LRRTM4: variants seen among roughly 807,000 people sequenced by gnomAD.
The protein encoded by LRRTM4 is leucine rich repeat transmembrane neuronal 4.
LRRTM4 carries 25 observed loss-of-function variants against 47.6 expected under a neutral mutation model. The observed-to-expected ratio is 0.53, with a 90% CI of 0.38 to 0.73. The LOEUF (loss-of-function observed/expected upper bound fraction) is 0.73, where lower values mean the gene tolerates loss of function less well. Among genes scored for constraint, LRRTM4 ranks in the 30% least tolerant of loss-of-function variants. The pLI is 0.00. For synonymous variants in LRRTM4, 311 were observed against 269.5 expected, an observed-to-expected ratio of 1.15 and a Z score of -1.51; for missense variants, 638 against 713.4, an observed-to-expected ratio of 0.89 and a Z score of 1.20.
chr2:77,246,330 T>C (rs906503857), intron 3 of LRRTM4, among the ~76,000 whole-genome samples: 2 of 152,284 alleles, frequency 1.3e-5, no homozygotes, highest in South Asian at 2.1e-4. Flanking sequence ...ATGAAATTAC[T>C]CAGAAGGCAT....
chr2:77,206,768 GC>G (rs1674138573), intron 3 of LRRTM4, among the ~76,000 whole-genome samples: 1 of 152,118 alleles, frequency 6.6e-6, no homozygotes, highest in Non-Finnish European at 1.5e-5. Context: ...ACAGGTGTGA[GC>G]CACTGTGCCC....
At chr2:77,074,444 T>C (rs988379844) in intron 3 of LRRTM4, among the ~76,000 whole-genome samples, 5 of 152,202 alleles carry the variant, frequency 3.3e-5, no homozygotes, top group Admixed American at 1.3e-4. Context: ...TAAGATCATA[T>C]CTTCTGTGTC....
intron 3 of LRRTM4, among the ~76,000 whole-genome samples, chr2:76,791,768 C>G (rs950396257): frequency 6.6e-6 from 1 of 152,198 alleles, no homozygotes; most frequent in African/African-American, 2.4e-5. Context: ...AGCAGATAGG[C>G]TGCAGGTTTC....
chr2:76,950,556 T>G (rs1675461884), intron 3 of LRRTM4, among the ~76,000 whole-genome samples: 2 of 151,978 alleles, frequency 1.3e-5, no homozygotes, highest in African/African-American at 4.8e-5. Flanking sequence ...CTCTGGTTAA[T>G]CAAAATGAAT....
At chr2:77,443,713 T>C (rs1675935562) in intron 3 of LRRTM4, among the ~76,000 whole-genome samples, 1 of 152,100 alleles carries the variant, frequency 6.6e-6, no homozygotes, top group South Asian at 2.1e-4. Flanking sequence ...GATATAAACA[T>C]TGTTCAGAAC....
chr2:76,806,152 G>A (rs1024970528), intron 3 of LRRTM4, among the ~76,000 whole-genome samples: 3 of 152,130 alleles, frequency 2.0e-5, no homozygotes, highest in African/African-American at 4.8e-5. Context: ...TTTCAATGAG[G>A]TTGATATTTC....
intron 3 of LRRTM4, among the ~76,000 whole-genome samples, chr2:76,921,407 A>G: frequency 6.6e-6 from 1 of 152,064 alleles, no homozygotes; most frequent in East Asian, 1.9e-4. Flanking sequence ...CACCTGGTAG[A>G]GGTAATGTTT....
intron 3 of LRRTM4, among the ~76,000 whole-genome samples, chr2:76,891,198 G>C (rs1340206754): frequency 6.6e-6 from 1 of 151,680 alleles, no homozygotes; most frequent in Non-Finnish European, 1.5e-5. Flanking sequence ...CTCCCAAGAT[G>C]TTTGCTCAAC....
rs369493644 is a variant in LRRTM4, at chr2:77,092,282, G to C, written c.1552-343366C>G. ...ACCTGACCCCCATGACTGTATCTCTGTGATCCACCTGACATTCACCCCATT... is the reference window on the plus strand; with the variant it reads ...ACCTGACCCCCATGACTGTATCTCTCTGATCCACCTGACATTCACCCCATT... On this transcript the variant is annotated intron_variant, in intron 3 of 3. Coordinates refer to ENST00000409884, the MANE Select transcript of LRRTM4 (RefSeq NM_001134745.3). Among the ~76,000 whole-genome samples the C allele has an allele frequency of 5.3e-4, 80 of 151,834 alleles. No individual in the cohort carries two copies. The East Asian group carries it at 8.8e-3, about 17-fold the overall frequency.
chr2:77,103,153 G>A (rs1572964754), intron 3 of LRRTM4, among the ~76,000 whole-genome samples: 3 of 152,150 alleles, frequency 2.0e-5, no homozygotes, highest in Admixed American at 2.0e-4. Context: ...GGTTTCATTT[G>A]GGGGCAGAGA....
intron 3 of LRRTM4, among the ~76,000 whole-genome samples, chr2:76,946,584 G>T (rs1392106277): frequency 6.6e-6 from 1 of 151,656 alleles, no homozygotes; most frequent in Non-Finnish European, 1.5e-5. Flanking sequence ...CATGCACAAT[G>T]GGCAACTCAA....
At chr2:77,183,860 C>T (rs1325601056) in intron 3 of LRRTM4, among the ~76,000 whole-genome samples, 1 of 152,086 alleles carries the variant, frequency 6.6e-6, no homozygotes, top group Non-Finnish European at 1.5e-5. Flanking sequence ...CATGTTCTGA[C>T]TCATAGGTGG....
At chr2:77,284,339 A>G (rs1676592154) in intron 3 of LRRTM4, among the ~76,000 whole-genome samples, 1 of 152,164 alleles carries the variant, frequency 6.6e-6, no homozygotes, top group African/African-American at 2.4e-5. Context: ...AGATAATAAC[A>G]CATTCTATTA....
intron 3 of LRRTM4, among the ~76,000 whole-genome samples, chr2:77,480,820 GTGGAGAGAGA>G (rs1164881948): frequency 2.0e-5 from 2 of 99,036 alleles, no homozygotes; most frequent in Non-Finnish European, 3.8e-5. Context: ...GTGTGTGTGT[GTGGAGAGAGA>G]GAGAGAGAGA....
At chr2:77,380,282 G>T in intron 3 of LRRTM4, among the ~76,000 whole-genome samples, 1 of 152,208 alleles carries the variant, frequency 6.6e-6, no homozygotes, top group South Asian at 2.1e-4. Context: ...TAAATGGAAA[G>T]CCTCATGCAC....
At chr2:77,061,952 T>C (rs1679801318) in intron 3 of LRRTM4, among the ~76,000 whole-genome samples, 1 of 152,216 alleles carries the variant, frequency 6.6e-6, no homozygotes, top group African/African-American at 2.4e-5. Context: ...AAATATTTAA[T>C]GTAGACTTCT....
intron 3 of LRRTM4, among the ~76,000 whole-genome samples, chr2:76,917,773 C>T (rs1674304141): frequency 6.6e-6 from 1 of 152,058 alleles, no homozygotes. Flanking sequence ...CTCTTTTGTC[C>T]CTGATACAAG....
chr2:76,949,834 C>A (rs1675440513), intron 3 of LRRTM4, among the ~76,000 whole-genome samples: 1 of 151,776 alleles, frequency 6.6e-6, no homozygotes, highest in African/African-American at 2.4e-5. Context: ...ACAGAAAATG[C>A]AATGATTATT....
chr2:77,263,702 T>C (rs1003336403), intron 3 of LRRTM4, among the ~76,000 whole-genome samples: 3 of 152,152 alleles, frequency 2.0e-5, no homozygotes, highest in Non-Finnish European at 2.9e-5. Context: ...ATTAAAATAA[T>C]GTCACTGATG....
Sources: allele counts gnomAD v4.1 joint callset (sites outside exome capture counted in the v4.1 genomes callset), GRCh38; gene constraint gnomAD v4.1.1; transcripts MANE v1.5; gene names NCBI Gene and HGNC (gene_info 2026-07-23, HGNC 2026-07-21).